Variants in NEK5 observed in about 807,000 individuals in gnomAD.
The protein encoded by NEK5 is serine/threonine-protein kinase Nek5.
A neutral mutation model predicts 109.2 loss-of-function variants in NEK5; 88 were observed. That is an observed-to-expected ratio of 0.81 (90% CI 0.68 to 0.96). The LOEUF is 0.96. Among genes scored for constraint, NEK5 ranks in the 40% least tolerant of loss-of-function variants. NEK5 has a pLI of 0.00. For synonymous variants in NEK5, 283 were observed against 299.9 expected (o/e 0.94, Z 0.58); for missense variants, 834 against 920.7 (o/e 0.91, Z 1.22).
intron 23 of NEK5, among the ~76,000 whole-genome samples, chr13:52,038,103 A>C (rs887120279): frequency 6.6e-6 from 1 of 152,164 alleles, no homozygotes; most frequent in Non-Finnish European, 1.5e-5. Flanking sequence ...TTTAAGTAGC[A>C]AGTATGAGGT....
In NEK5 at chr13:52,072,073, A is replaced by G. The variant is rs1189733937; in HGVS notation, c.1723-3T>C. 6.2e-7 allele frequency: 1 copy of G among 1,607,274 alleles called. No homozygotes were observed. On this transcript the variant is annotated splice_region_variant and splice_polypyrimidine_tract_variant and intron_variant, in intron 19 of 23. Coordinates refer to ENST00000684899, the MANE Select transcript of NEK5 (RefSeq NM_001365552.1). ...GTTTCATTTGGTATATCCATTGCCT[A>G]AATCAATTCCACAGTGTTTCATGAT...
In NEK5 at chr13:52,127,383, C is replaced by A. The variant is rs536334299; in HGVS notation, c.100G>T (p.Glu34Ter). 8.8e-6 allele frequency: 14 copies of A among 1,596,432 alleles called. No homozygotes were observed. The highest frequency in any genetic ancestry group is 7.7e-5 in the South Asian group (7 of 90,644). Reference sequence around the variant, plus strand: ...AACTTTACCTTTTCAAAATTGATCTCTTTTATGACACAGTGCTTGCTATCT... The same window carrying A: ...AACTTTACCTTTTCAAAATTGATCTATTTTATGACACAGTGCTTGCTATCT... ...KSDSKHCVIK[E>*]INFEKMPIQE... Residue 34 changes from glutamate to a stop codon, truncating the protein, a stop_gained, in exon 3 of 24, where the codon GAG (glutamate) becomes TAG (stop). Transcript: ENST00000684899. LOFTEE classifies it high-confidence loss of function.
chr13:52,106,441 C>T (rs541487080), intron 8 of NEK5, among the ~76,000 whole-genome samples: 6 of 152,198 alleles, frequency 3.9e-5, no homozygotes, highest in African/African-American at 1.2e-4. Context: ...GCAAAAGCTC[C>T]TCTTCACCTT....
At chr13:52,060,784 G>A (rs1244596627) in intron 22 of NEK5, among the ~76,000 whole-genome samples, 2 of 152,192 alleles carry the variant, frequency 1.3e-5, no homozygotes, top group African/African-American at 2.4e-5. Flanking sequence ...CTGCTTGCCT[G>A]CAGTAGCTTT....
chr13:52,101,886 G>T, intron 11 of NEK5, 47 bp downstream of exon 11: 1 of 1,398,302 alleles, frequency 7.2e-7, no homozygotes, highest in South Asian at 1.2e-5. Flanking sequence ...CTCTGTGTGA[G>T]ACATGTGTAA....
At chr13:52,048,244 C>A (rs1248774789) in intron 23 of NEK5, among the ~76,000 whole-genome samples, 2 of 151,974 alleles carry the variant, frequency 1.3e-5, no homozygotes, top group Middle Eastern at 3.2e-3. Context: ...CACTGTGTAT[C>A]CTATGAATAT....
In NEK5 at chr13:52,065,466, C is replaced by G. The variant is rs145552435; in HGVS notation, c.1975+18G>C. On this transcript the variant is annotated intron_variant, in intron 21 of 23. Coordinates refer to ENST00000684899, the MANE Select transcript of NEK5 (RefSeq NM_001365552.1). The stretch of plus-strand genomic sequence containing the variant: ...TTGGTCTTCCCTTCCTGACGACTGA[C>G]GCTAAGCACAGACTCACTGTCAGGC... 2.4e-5 allele frequency: 38 copies of G among 1,614,046 alleles called. No homozygotes were observed. The highest frequency in any genetic ancestry group is 3.2e-5 in the Non-Finnish European group (38 of 1,179,982).
At chr13:52,092,499 T>A (rs1566785940) in intron 13 of NEK5, among the ~76,000 whole-genome samples, 1 of 148,712 alleles carries the variant, frequency 6.7e-6, no homozygotes, top group Non-Finnish European at 1.5e-5. Context: ...CCAAGGCAGG[T>A]GGATCACATG....
chr13:52,056,648 C>A (rs1264408528), intron 22 of NEK5, among the ~76,000 whole-genome samples: 1 of 149,568 alleles, frequency 6.7e-6, no homozygotes, highest in Non-Finnish European at 1.5e-5. Flanking sequence ...GAATCTCACT[C>A]AAAACCGCTC....
chr13:52,100,496 C>T lies in NEK5; in HGVS notation c.893-620G>A, dbSNP rs117457919. Among the ~76,000 whole-genome samples, 269 of 152,300 alleles carry T rather than the reference C, an allele frequency of 1.8e-3. 1 individual carries two copies. Among genetic ancestry groups the T allele is most frequent in the African/African-American group, 4.1e-3 (170 of 41,560 alleles). On this transcript the variant is annotated intron_variant, in intron 11 of 23. Transcript: ENST00000684899. ...AGACTGGCATCAAACTCCTGGCCTCCGGTGACCTGCCCTCCTTGGCCTCCC... is the reference window on the plus strand; with the variant it reads ...AGACTGGCATCAAACTCCTGGCCTCTGGTGACCTGCCCTCCTTGGCCTCCC...
At chr13:52,050,254 T>C (rs1471420470) in intron 22 of NEK5, 33 bp from the exon 23 acceptor site, 1 of 842,426 alleles carries the variant, frequency 1.2e-6, no homozygotes. Flanking sequence ...TATGAAAGCA[T>C]CCCAGCCTAT....
intron 9 of NEK5, among the ~76,000 whole-genome samples, chr13:52,103,323 C>T (rs1426468577): frequency 3.9e-5 from 6 of 152,038 alleles, no homozygotes; most frequent in African/African-American, 7.2e-5. Context: ...CCCAGCTCCT[C>T]GGGAGGCTGA....
intron 22 of NEK5, among the ~76,000 whole-genome samples, chr13:52,055,361 T>C (rs1381050767): frequency 6.6e-6 from 1 of 152,132 alleles, no homozygotes; most frequent in Non-Finnish European, 1.5e-5. Flanking sequence ...TGGAACCAAG[T>C]TGGAAAACAC....
intron 17 of NEK5, among the ~76,000 whole-genome samples, chr13:52,080,934 A>G (rs145238253): frequency 2.0e-5 from 3 of 151,766 alleles, no homozygotes. Flanking sequence ...GCGATGTTAT[A>G]TGTATTTTAC....
intron 23 of NEK5, among the ~76,000 whole-genome samples, chr13:52,038,666 T>G (rs1056372276): frequency 7.2e-5 from 11 of 151,732 alleles, no homozygotes; most frequent in Non-Finnish European, 1.0e-4. Context: ...TAAACTACTG[T>G]GTTCAAACAA....
intron 21 of NEK5, among the ~76,000 whole-genome samples, chr13:52,064,247 A>G (rs1204384632): frequency 2.7e-3 from 176 of 64,568 alleles, no homozygotes; most frequent in African/African-American, 8.0e-3. Context: ...CCCCCCGCCC[A>G]GCCAGCCGCC....
intron 3 of NEK5, among the ~76,000 whole-genome samples, chr13:52,126,671 C>G (rs951984793): frequency 6.6e-6 from 1 of 152,134 alleles, no homozygotes. Context: ...CCCAGCTATT[C>G]AGGAGGCTGA....
chr13:52,123,160 GA>G (rs1956002554), intron 3 of NEK5, among the ~76,000 whole-genome samples: 1 of 152,052 alleles, frequency 6.6e-6, no homozygotes, highest in Admixed American at 6.6e-5. Context: ...CTCTAGATAA[GA>G]AGTAATGAAA....
At chr13:52,119,979 C>A (rs777544916) in intron 3 of NEK5, among the ~76,000 whole-genome samples, 12 of 152,176 alleles carry the variant, frequency 7.9e-5, no homozygotes, top group South Asian at 4.1e-4. Context: ...GGGTTTGGTG[C>A]CAGTACCAGT....
Sources: allele counts gnomAD v4.1 joint callset (sites outside exome capture counted in the v4.1 genomes callset), GRCh38; gene constraint gnomAD v4.1.1; transcripts MANE v1.5; gene names NCBI Gene and HGNC (gene_info 2026-07-23, HGNC 2026-07-21).